Variants in GRID1 observed in about 807,000 individuals in gnomAD.
The protein encoded by GRID1 is glutamate ionotropic receptor delta type subunit 1.
GRID1 carries 28 observed loss-of-function variants against 98.0 expected under a neutral mutation model. The ratio of observed to expected loss-of-function variants is 0.29; its 90% CI spans 0.21 to 0.39. The LOEUF (loss-of-function observed/expected upper bound fraction) is 0.39. Ranked by LOEUF, GRID1 falls within the 10% of genes least tolerant of loss-of-function variation. The pLI is 1.00. For missense variants in GRID1, 1,111 were observed against 1,340.5 expected (o/e 0.83, Z 2.67); for synonymous variants, 553 against 538.5 (o/e 1.03, Z -0.37).
chr10:85,631,122 A>G (rs1254500391), intron 13 of GRID1, among the ~76,000 whole-genome samples: 1 of 152,250 alleles, frequency 6.6e-6, no homozygotes, highest in Non-Finnish European at 1.5e-5. Context: ...TAGAAAGTTC[A>G]GGATAAACTT....
At chr10:85,696,787 C>G (rs936820158) in intron 12 of GRID1, among the ~76,000 whole-genome samples, 1 of 151,846 alleles carries the variant, frequency 6.6e-6, no homozygotes, top group Non-Finnish European at 1.5e-5. Context: ...GCATTTAAAG[C>G]TATAAACTTT....
At chr10:85,855,825 A>G (rs982582240) in intron 7 of GRID1, among the ~76,000 whole-genome samples, 1 of 152,238 alleles carries the variant, frequency 6.6e-6, no homozygotes, top group African/African-American at 2.4e-5. Flanking sequence ...GAAGACAGTA[A>G]TGATAGTATG....
intron 4 of GRID1, among the ~76,000 whole-genome samples, chr10:86,111,153 A>C (rs985808131): frequency 1.3e-5 from 2 of 152,234 alleles, no homozygotes; most frequent in Non-Finnish European, 2.9e-5. Flanking sequence ...AAGAACATGA[A>C]GGTGATAGAA....
chr10:86,041,000 G>A (rs1843337967), intron 4 of GRID1, among the ~76,000 whole-genome samples: 1 of 152,008 alleles, frequency 6.6e-6, no homozygotes, highest in African/African-American at 2.4e-5. Flanking sequence ...GCTCTCTCTG[G>A]GCTCTGCCTC....
chr10:86,269,798 C>G (rs181978127), intron 2 of GRID1, among the ~76,000 whole-genome samples: 5 of 152,342 alleles, frequency 3.3e-5, no homozygotes, highest in Admixed American at 3.3e-4. Context: ...TCTAAGCCCT[C>G]TAAGATATGG....
intron 12 of GRID1, among the ~76,000 whole-genome samples, chr10:85,651,995 T>C (rs1174519416): frequency 6.6e-6 from 1 of 152,174 alleles, no homozygotes; most frequent in African/African-American, 2.4e-5. Context: ...CTGACCTGGA[T>C]TACCGATTTT....
chr10:86,208,159 T>C (rs754636406), intron 2 of GRID1, among the ~76,000 whole-genome samples: 1 of 151,988 alleles, frequency 6.6e-6, no homozygotes, highest in Non-Finnish European at 1.5e-5. Context: ...CCCCCCACAC[T>C]CTCCAGCAGC....
At chr10:85,657,066 T>C (rs1840907423) in intron 12 of GRID1, among the ~76,000 whole-genome samples, 1 of 152,134 alleles carries the variant, frequency 6.6e-6, no homozygotes. Flanking sequence ...CACCTTGGGG[T>C]TTCTGTGGTT....
intron 2 of GRID1, among the ~76,000 whole-genome samples, chr10:86,217,537 A>G (rs1350514868): frequency 1.3e-5 from 2 of 152,206 alleles, no homozygotes; most frequent in African/African-American, 4.8e-5. Flanking sequence ...CTGGGCGGGC[A>G]GAGGTAGTCT....
intron 15 of GRID1, among the ~76,000 whole-genome samples, chr10:85,604,916 A>G (rs1245899075): frequency 6.6e-6 from 1 of 152,202 alleles, no homozygotes; most frequent in Non-Finnish European, 1.5e-5. Context: ...TCCCCACCGG[A>G]TAACAGTTTG....
At chr10:86,344,347 C>T (rs1034825325) in intron 2 of GRID1, among the ~76,000 whole-genome samples, 11 of 152,236 alleles carry the variant, frequency 7.2e-5, no homozygotes, top group African/African-American at 2.7e-4. Context: ...TGCACTGACT[C>T]GCACAGCCAA....
intron 4 of GRID1, among the ~76,000 whole-genome samples, chr10:86,016,750 C>T (rs1048110112): frequency 6.6e-6 from 1 of 152,230 alleles, no homozygotes; most frequent in East Asian, 1.9e-4. Flanking sequence ...CAGATCTCTG[C>T]CTCCCATTTC....
chr10:86,251,137 G>A (rs1846822437), intron 2 of GRID1, among the ~76,000 whole-genome samples: 1 of 152,130 alleles, frequency 6.6e-6, no homozygotes, highest in Admixed American at 6.5e-5. Context: ...ACAGATGCTT[G>A]AAAGCAGCAT....
At chr10:85,949,033 C>T (rs77744464) in intron 4 of GRID1, among the ~76,000 whole-genome samples, 2,532 of 152,174 alleles carry the variant, frequency 0.017, 28 homozygotes, top group Non-Finnish European at 0.028. Flanking sequence ...GGACATGATG[C>T]TTAAATTTGG....
chr10:86,246,366 C>T (rs762917308), intron 2 of GRID1, among the ~76,000 whole-genome samples: 2 of 152,230 alleles, frequency 1.3e-5, no homozygotes, highest in Non-Finnish European at 2.9e-5. Context: ...TGGCCTCTCT[C>T]TGAGGACAGC....
chr10:85,728,813 T>C (rs1249810383), intron 9 of GRID1, among the ~76,000 whole-genome samples: 1 of 152,140 alleles, frequency 6.6e-6, no homozygotes, highest in African/African-American at 2.4e-5. Context: ...ATCTGTGGTG[T>C]GCAAACAGAG....
intron 9 of GRID1, among the ~76,000 whole-genome samples, chr10:85,728,814 GCAAA>G (rs2132657581): frequency 6.6e-6 from 1 of 152,276 alleles, no homozygotes; most frequent in African/African-American, 2.4e-5. Context: ...TCTGTGGTGT[GCAAA>G]CAGAGAATGC....
chr10:86,138,442 G>T (rs1257225648), intron 4 of GRID1, among the ~76,000 whole-genome samples: 1 of 152,038 alleles, frequency 6.6e-6, no homozygotes, highest in African/African-American at 2.4e-5. Context: ...ACCCACCTCT[G>T]CAGAAAGCTG....
At chr10:85,945,967 T>C (rs1289436550) in intron 4 of GRID1, among the ~76,000 whole-genome samples, 2 of 152,252 alleles carry the variant, frequency 1.3e-5, no homozygotes, top group East Asian at 1.9e-4. Context: ...AATTACTTTC[T>C]TATGAATTGT....
Sources: gnomAD v4.1 joint callset for allele counts (sites outside exome capture counted in the v4.1 genomes callset) on GRCh38, gnomAD v4.1.1 for gene constraint, MANE v1.5 for transcripts, NCBI Gene and HGNC (gene_info 2026-07-23, HGNC 2026-07-21) for gene names.